The following KIF13B variants were observed in gnomAD, a reference collection of about 807,000 sequenced individuals.
The protein encoded by KIF13B is kinesin-like protein KIF13B.
KIF13B carries 127 observed loss-of-function variants against 222.0 expected under a neutral mutation model. That is an observed-to-expected ratio of 0.57 (90% CI 0.50 to 0.66). KIF13B has a LOEUF of 0.66. Ranked by LOEUF, KIF13B falls within the 30% of genes least tolerant of loss-of-function variation. KIF13B has a pLI of 0.00. For synonymous variants in KIF13B, 976 were observed against 919.0 expected (o/e 1.06, Z -1.12); for missense variants, 2,173 against 2,379.0 (o/e 0.91, Z 1.80).
At position 29,068,240 on chromosome 8, in the gene KIF13B, G is replaced by C. The variant is rs1234074160; in HGVS notation, c.*2264C>G. 3 of 152,390 alleles carry C rather than the reference G, an allele frequency of 2.0e-5. No individual in the cohort carries two copies. Among genetic ancestry groups the C allele is most frequent in the African/African-American group, 7.2e-5 (3 of 41,450 alleles). 9.4% of individuals were successfully genotyped at this position (152,390 alleles called of 1,614,324 possible). A position where few individuals can be genotyped will look rare whatever the true frequency, so the allele number is the denominator to read the frequency against. On this transcript the variant is annotated 3_prime_UTR_variant, in exon 40 of 40. Transcript: ENST00000524189. The surrounding 1 kb of genome is among the most constrained non-coding windows in gnomAD (Gnocchi z 4.4). ...GGTGGGCGGGCAGGCGTTCTTGGGA[G>C]GTGAGTCTGCTGGTCAGGGAGGCAA...
intron 12 of KIF13B, among the ~76,000 whole-genome samples, chr8:29,162,399 C>A (rs1288745055): frequency 1.3e-5 from 2 of 152,186 alleles, no homozygotes; most frequent in African/African-American, 4.8e-5. Context: ...CCTGGGTCTT[C>A]AAATCAAGTC....
At chr8:29,184,993 T>C (rs1189887559) in intron 6 of KIF13B, among the ~76,000 whole-genome samples, 1 of 152,058 alleles carries the variant, frequency 6.6e-6, no homozygotes, top group Non-Finnish European at 1.5e-5. Flanking sequence ...AGGATGAATC[T>C]CTCATCCTGT....
intron 2 of KIF13B, among the ~76,000 whole-genome samples, chr8:29,201,446 C>A (rs1359188862): frequency 6.6e-6 from 1 of 152,144 alleles, no homozygotes; most frequent in Non-Finnish European, 1.5e-5. Flanking sequence ...AAACTCATCA[C>A]CTCTGAAAAT....
At chr8:29,205,408 A>T (rs1813885976) in intron 2 of KIF13B, among the ~76,000 whole-genome samples, 1 of 152,116 alleles carries the variant, frequency 6.6e-6, no homozygotes, top group East Asian at 1.9e-4. Flanking sequence ...GCAGTTTCAA[A>T]TTCCTCCTAT....
At chr8:29,148,512 CGATCT>C in intron 16 of KIF13B, 60 bp downstream of exon 16, 1 of 1,240,424 alleles carries the variant, frequency 8.1e-7, no homozygotes, top group Non-Finnish European at 1.1e-6. Flanking sequence ...TGGGCTCAAG[CGATCT>C]CCCCACCTCA....
intron 31 of KIF13B, 40 bp downstream of exon 31, chr8:29,116,791 G>A (rs755702951): frequency 7.1e-6 from 11 of 1,558,104 alleles, no homozygotes; most frequent in South Asian, 2.4e-5. Flanking sequence ...CCCTCAGGTC[G>A]CAACTGTGGT....
chr8:29,153,187 C>A (rs1399362166), intron 14 of KIF13B, among the ~76,000 whole-genome samples: 2 of 152,056 alleles, frequency 1.3e-5, no homozygotes, highest in African/African-American at 4.8e-5. Flanking sequence ...ATTTGTTCCA[C>A]AGTATATTAA....
At chr8:29,190,928 T>G in intron 4 of KIF13B, 69 bp downstream of exon 4, 1 of 1,226,768 alleles carries the variant, frequency 8.2e-7, no homozygotes, top group Non-Finnish European at 1.2e-6. Context: ...CAAGCAATCG[T>G]GTAAGGGAAA....
chr8:29,246,552 T>C (rs574333008), intron 1 of KIF13B, among the ~76,000 whole-genome samples: 2 of 152,184 alleles, frequency 1.3e-5, no homozygotes, highest in East Asian at 3.9e-4. Context: ...ATCTACAAGA[T>C]TCAAGGAAAT....
chr8:29,224,116 C>T (rs1421057111), intron 2 of KIF13B, among the ~76,000 whole-genome samples: 3 of 151,660 alleles, frequency 2.0e-5, no homozygotes, highest in East Asian at 1.9e-4. Flanking sequence ...CTCCGCCTCC[C>T]GAGTAGCTGG....
intron 2 of KIF13B, among the ~76,000 whole-genome samples, chr8:29,242,535 A>G (rs1414214509): frequency 6.6e-6 from 1 of 152,272 alleles, no homozygotes; most frequent in Non-Finnish European, 1.5e-5. Flanking sequence ...GGGGAAGAAG[A>G]TAATTCCAAA....
intron 37 of KIF13B, among the ~76,000 whole-genome samples, chr8:29,077,533 G>C (rs534869787): frequency 2.6e-4 from 40 of 152,348 alleles, no homozygotes; most frequent in Non-Finnish European, 5.3e-4. Context: ...CAAGATTGGG[G>C]AACAACTGTT....
chr8:29,249,921 T>C (rs966000980), intron 1 of KIF13B: 4 of 663,658 alleles, frequency 6.0e-6, no homozygotes, highest in Non-Finnish European at 9.5e-6. Flanking sequence ...CTCTAGACTA[T>C]CACAGAAATG....
chr8:29,241,210 T>C (rs1031934378), intron 2 of KIF13B, among the ~76,000 whole-genome samples: 10 of 152,204 alleles, frequency 6.6e-5, no homozygotes, highest in African/African-American at 2.4e-4. Flanking sequence ...TCATGTATGA[T>C]TTCATTTATA....
At chr8:29,128,767 G>C (rs1278777263) in intron 24 of KIF13B, among the ~76,000 whole-genome samples, 1 of 152,160 alleles carries the variant, frequency 6.6e-6, no homozygotes, top group African/African-American at 2.4e-5. Context: ...CTATTAGACA[G>C]AACTTCCTGT....
intron 18 of KIF13B, chr8:29,146,082 T>C (rs1811047829): frequency 3.5e-6 from 2 of 566,686 alleles, no homozygotes; most frequent in Admixed American, 3.3e-5. Flanking sequence ...CGGGGAAGAT[T>C]AATCAGAAAA....
rs1388022700 is a variant in KIF13B, at chr8:29,072,642, T to G, written c.4522-326A>C. Among the ~76,000 whole-genome samples, 4 of 152,326 alleles carry G rather than the reference T, an allele frequency of 2.6e-5. No individual in the cohort carries two copies. In the East Asian group the frequency reaches 7.7e-4, roughly 29 times the overall value. ...GTGATAAAGGTTGAGGGGCCGACAGTGCACCCCGCAGGCCCTGTGCTGTGT... is the reference window on the plus strand; with the variant it reads ...GTGATAAAGGTTGAGGGGCCGACAGGGCACCCCGCAGGCCCTGTGCTGTGT... On this transcript the variant is annotated intron_variant, in intron 38 of 39. Coordinates refer to ENST00000524189, the MANE Select transcript of KIF13B (RefSeq NM_015254.4).
chr8:29,128,807 C>T (rs1810224348), intron 24 of KIF13B, among the ~76,000 whole-genome samples: 1 of 152,216 alleles, frequency 6.6e-6, no homozygotes, highest in Non-Finnish European at 1.5e-5. Context: ...TTTATTTCTA[C>T]AAAAACAGCA....
At chr8:29,213,775 G>A (rs544185027) in intron 2 of KIF13B, among the ~76,000 whole-genome samples, 2 of 151,396 alleles carry the variant, frequency 1.3e-5, no homozygotes, top group East Asian at 3.9e-4. Flanking sequence ...ATGGTGAAAC[G>A]CTGTCTCTAC....
Sources: gnomAD v4.1 joint callset for allele counts (sites outside exome capture counted in the v4.1 genomes callset) on GRCh38, gnomAD v4.1.1 for gene constraint, Gnocchi (gnomAD v3.1) non-coding constraint, MANE v1.5 for transcripts, NCBI Gene and HGNC (gene_info 2026-07-23, HGNC 2026-07-21) for gene names.